CBLN2: variants seen among roughly 807,000 people sequenced by gnomAD.
The protein encoded by CBLN2 is cerebellin-2.
CBLN2 carries 7 observed loss-of-function variants against 15.0 expected under a neutral mutation model. That is an observed-to-expected ratio of 0.47 (90% CI 0.27 to 0.88). The LOEUF (loss-of-function observed/expected upper bound fraction) is 0.88. Ranked by LOEUF, CBLN2 falls within the 40% of genes least tolerant of loss-of-function variation. CBLN2 has a pLI of 0.14. For synonymous variants in CBLN2, 149 were observed against 135.2 expected, an observed-to-expected ratio of 1.10 and a Z score of -0.71; for missense variants, 242 against 304.5, an observed-to-expected ratio of 0.79 and a Z score of 1.53.
chr18:72,616,245 C>A (rs2069661285), intron 1 of CBLN2, among the ~76,000 whole-genome samples: 1 of 152,190 alleles, frequency 6.6e-6, no homozygotes, highest in South Asian at 2.1e-4. Flanking sequence ...CTCCAGGAAT[C>A]CCTTGTTTCA....
chr18:72,542,539 C>T (rs1329431964), intron 2 of CBLN2, among the ~76,000 whole-genome samples: 2 of 152,100 alleles, frequency 1.3e-5, no homozygotes, highest in Non-Finnish European at 2.9e-5. Context: ...TCCCGAGCAG[C>T]GCGCGGGGCT....
chr18:72,537,845 A>T lies in CBLN2; in HGVS notation c.*331T>A, dbSNP rs992234578. The T allele has an allele frequency of 2.8e-6, 1 of 359,022 alleles. No homozygotes were observed. The highest frequency in any genetic ancestry group is 4.3e-5 in the Admixed American group (1 of 23,006). 22.2% of individuals were successfully genotyped at this position (359,022 alleles called of 1,614,324 possible). ...TCTCCTTCCGTTGGGACGACAATAC[A>T]ACATACAAACAAAAGAGGTCCATGG... On this transcript the variant is annotated 3_prime_UTR_variant, in exon 5 of 5. Transcript: ENST00000269503.
chr18:72,580,660 T>C (rs2069396964), intron 1 of CBLN2, among the ~76,000 whole-genome samples: 2 of 152,380 alleles, frequency 1.3e-5, no homozygotes, highest in South Asian at 4.1e-4. Flanking sequence ...ATTTGTATTA[T>C]GTTGTATAAT....
At chr18:72,592,552 C>T (rs553690995) in intron 1 of CBLN2, among the ~76,000 whole-genome samples, 4 of 152,186 alleles carry the variant, frequency 2.6e-5, no homozygotes, top group African/African-American at 7.2e-5. Context: ...GGGTATTACT[C>T]AAGAAATCTT....
At chr18:72,600,995 T>C (rs1022356560) in intron 1 of CBLN2, among the ~76,000 whole-genome samples, 2 of 152,174 alleles carry the variant, frequency 1.3e-5, no homozygotes, top group African/African-American at 4.8e-5. Context: ...TCTACAATAG[T>C]GATGTTACCC....
chr18:72,541,905 C>G lies in CBLN2; in HGVS notation c.256G>C (p.Val86Leu), dbSNP rs777175329. Reference protein sequence around the residue: ...GAVTSSLGISVRSGSAKVAFS... With the variant: ...GAVTSSLGISLRSGSAKVAFS... The stretch of plus-strand genomic sequence containing the variant: ...GCCACCTTGGCGCTGCCGGAGCGCA[C>G]GGAGATGCCTAGGGAGGAGGTGACG... The change falls in exon 3 of 5, where the codon GTG becomes CTG. Residue 86 changes from valine to leucine, a missense_variant. Transcript: ENST00000269503. The G allele has an allele frequency of 6.2e-7, 1 of 1,607,766 alleles. No homozygotes were observed. Among genetic ancestry groups the G allele is most frequent in the Non-Finnish European group, 8.5e-7 (1 of 1,179,004 alleles).
intron 1 of CBLN2, among the ~76,000 whole-genome samples, chr18:72,552,210 A>G (rs1035727586): frequency 1.3e-5 from 2 of 151,512 alleles, no homozygotes; most frequent in African/African-American, 2.4e-5. Context: ...CAGCCTCCTG[A>G]GTAGCTGGGG....
intron 1 of CBLN2, among the ~76,000 whole-genome samples, chr18:72,562,059 T>C (rs1279881903): frequency 2.0e-5 from 3 of 152,202 alleles, no homozygotes; most frequent in African/African-American, 4.8e-5. Flanking sequence ...AAATTTATTG[T>C]TTTATGTGTC....
intron 1 of CBLN2, among the ~76,000 whole-genome samples, chr18:72,564,494 A>T (rs2069281783): frequency 6.6e-6 from 1 of 152,190 alleles, no homozygotes; most frequent in Non-Finnish European, 1.5e-5. Context: ...TTTTGAAATA[A>T]CCTAGTCAGA....
intron 1 of CBLN2, among the ~76,000 whole-genome samples, chr18:72,606,420 C>A (rs2069583994): frequency 6.6e-6 from 1 of 152,142 alleles, no homozygotes; most frequent in South Asian, 2.1e-4. Flanking sequence ...ATAGTAGTAA[C>A]CTGTCAACTC....
intron 1 of CBLN2, among the ~76,000 whole-genome samples, chr18:72,587,714 T>C (rs1374350727): frequency 6.6e-6 from 1 of 152,198 alleles, no homozygotes; most frequent in Non-Finnish European, 1.5e-5. Flanking sequence ...GTAGAACTGA[T>C]AATAACTCTG....
At chr18:72,565,547 A>C (rs1211618299) in intron 1 of CBLN2, among the ~76,000 whole-genome samples, 1 of 152,188 alleles carries the variant, frequency 6.6e-6, no homozygotes, top group Non-Finnish European at 1.5e-5. Flanking sequence ...ATTTGTATGC[A>C]ACCGAAGTTA....
exon 1 of CBLN2, chr18:72,638,496 C>G (rs375317608): frequency 3.3e-5 from 13 of 395,518 alleles, no homozygotes; most frequent in East Asian, 1.1e-4. Flanking sequence ...CTGTTGTACA[C>G]TCTTAGAACA....
intron 1 of CBLN2, among the ~76,000 whole-genome samples, chr18:72,630,547 C>CCCA (rs1555673844): frequency 2.1e-4 from 22 of 106,846 alleles, no homozygotes; most frequent in African/African-American, 9.9e-4. Context: ...ACCCTCCCCC[C>CCCA]CACACACACA....
In CBLN2 at chr18:72,543,866, C is replaced by T; in HGVS notation, c.-212+111G>A. 1 of 154,988 alleles carries T rather than the reference C, an allele frequency of 6.5e-6. No homozygotes were observed. Among genetic ancestry groups the T allele is most frequent in the Non-Finnish European group, 1.4e-5 (1 of 69,942 alleles). The allele number at this position is 154,988 out of a possible 1,614,324, so 9.6% of individuals were successfully genotyped here. A position where few individuals can be genotyped will look rare whatever the true frequency, so the allele number is the denominator to read the frequency against. The stretch of plus-strand genomic sequence containing the variant: ...TCCCTCGCGGGTCCCCTCGGCCCCG[C>T]AGCCCCGCCAGTCTCCAGAGGGCAT... On this transcript the variant is annotated intron_variant, in intron 1 of 4. Coordinates refer to ENST00000269503, the MANE Select transcript of CBLN2 (RefSeq NM_182511.4). This position sits in a 1 kb window ranked among gnomAD's most constrained non-coding sequence, Gnocchi z 6.8.
intron 1 of CBLN2, among the ~76,000 whole-genome samples, chr18:72,596,265 G>A (rs1020863522): frequency 6.6e-6 from 1 of 151,660 alleles, no homozygotes; most frequent in East Asian, 1.9e-4. Flanking sequence ...AATTAACACT[G>A]CATAAACAAA....
chr18:72,618,485 T>A (rs1338056743), intron 1 of CBLN2: 41 of 671,214 alleles, frequency 6.1e-5, no homozygotes, highest in South Asian at 5.6e-4. Context: ...CAGCCATGAA[T>A]GCAAGGTCAC....
chr18:72,584,325 T>C (rs78279100), intron 1 of CBLN2, among the ~76,000 whole-genome samples: 74 of 151,456 alleles, frequency 4.9e-4, no homozygotes, highest in East Asian at 2.9e-3. Flanking sequence ...TTTTTTTTTT[T>C]CCCCTGAGAC....
At position 72,614,703 on chromosome 18, in the gene CBLN2, T is replaced by C. The variant is rs1358970060; in HGVS notation, c.15+23622A>G. Reference sequence around the variant, plus strand: ...ATCACTGATTTAACATGATATTAAATGTAAAGAGATTTGGGACTTTGACAA... The same window carrying C: ...ATCACTGATTTAACATGATATTAAACGTAAAGAGATTTGGGACTTTGACAA... On this transcript the variant is annotated intron_variant, in intron 1 of 2. Coordinates refer to the CBLN2 transcript ENST00000581073. Among the ~76,000 whole-genome samples, 4 of 152,144 alleles carry C rather than the reference T, an allele frequency of 2.6e-5. No individual in the cohort carries two copies. The East Asian group carries it at 5.8e-4, about 22-fold the overall frequency.
Sources: gnomAD v4.1 joint callset for allele counts (sites outside exome capture counted in the v4.1 genomes callset) on GRCh38, gnomAD v4.1.1 for gene constraint, Gnocchi (gnomAD v3.1) non-coding constraint, MANE v1.5 for transcripts, NCBI Gene and HGNC (gene_info 2026-07-23, HGNC 2026-07-21) for gene names.